Variants in FOXN4 observed in about 807,000 individuals in gnomAD.
The protein encoded by FOXN4 is forkhead box N4, also known as forkhead box protein N4.
In FOXN4, 12 loss-of-function variants were observed where a neutral mutation model predicts 45.0. The observed-to-expected ratio is 0.27, with a 90% confidence interval of 0.17 to 0.43. The LOEUF is 0.43. Among genes scored for constraint, FOXN4 ranks in the 20% least tolerant of loss-of-function variants. The probability of loss-of-function intolerance (pLI) is 1.00; values close to 1 mark genes in which losing one functional copy is unlikely to be tolerated. For synonymous variants in FOXN4, 297 were observed against 295.0 expected (o/e 1.01, Z -0.07); for missense variants, 560 against 694.9 (o/e 0.81, Z 2.18).
chr12:109,302,303 C>T (rs1307998199), intron 2 of FOXN4, among the ~76,000 whole-genome samples: 2 of 152,186 alleles, frequency 1.3e-5, no homozygotes, highest in South Asian at 2.1e-4. Context: ...TGGCAGGTGC[C>T]CACACAGGGT....
chr12:109,299,667 A>G (rs1186118115), intron 2 of FOXN4, among the ~76,000 whole-genome samples: 3 of 152,290 alleles, frequency 2.0e-5, no homozygotes, highest in Admixed American at 6.5e-5. Context: ...TTTTGAAGGG[A>G]CGGAACACAT....
rs1405301596 is a variant in FOXN4, at chr12:109,279,682, C to G, written c.1543G>C (p.Ala515Pro). The change falls in exon 10 of 10, where the codon GCC (alanine) becomes CCC (proline). Residue 515 changes from alanine (A) to proline (P), a missense_variant. Physicochemically the swap from Ala to Pro is conservative, Grantham distance 27 (BLOSUM62 -1). Transcript: ENST00000299162. Reference sequence around the variant, plus strand: ...GTGAGGCTGACAGCTCAAAGCAGGGCTATAGGCTTGTTCCCCTGTGCACCC... The same window carrying G: ...GTGAGGCTGACAGCTCAAAGCAGGGGTATAGGCTTGTTCCCCTGTGCACCC... Reference protein sequence around the residue: ...YLGAQGNKPIALL With the variant: ...YLGAQGNKPIPLL 2.5e-6 allele frequency: 4 copies of G among 1,573,756 alleles called. No individual in the cohort carries two copies. Among genetic ancestry groups the G allele is most frequent in the Non-Finnish European group, 3.4e-6 (4 of 1,159,900 alleles).
At position 109,287,462 on chromosome 12, in the gene FOXN4, G is replaced by T. The variant is rs1345710292; in HGVS notation, c.531C>A (p.His177Gln). The change falls in exon 6 of 10, where the codon CAC becomes CAA. Residue 177 changes from histidine to glutamine, a missense_variant. Physicochemically the swap from His to Gln is conservative, Grantham distance 24 (BLOSUM62 0). Transcript: ENST00000299162. The surrounding 1 kb of genome is among the most constrained non-coding windows in gnomAD (Gnocchi z 4.1). ...GTTCTTGAGATGAATGCACAGCCACGTGGGGCTGGGGGTAGGGGGGCCGCA... is the reference window on the plus strand; with the variant it reads ...GTTCTTGAGATGAATGCACAGCCACTTGGGGCTGGGGGTAGGGGGGCCGCA... ...FGVRPPYPQP[H>Q]VAVHSSQELH... 1.3e-6 allele frequency: 2 copies of T among 1,551,170 alleles called. No individual in the cohort carries two copies. The highest frequency in any genetic ancestry group is 1.7e-6 in the Non-Finnish European group (2 of 1,146,656).
intron 8 of FOXN4, among the ~76,000 whole-genome samples, chr12:109,283,747 A>AT (rs1428615579): frequency 6.6e-6 from 1 of 152,202 alleles, no homozygotes; most frequent in African/African-American, 2.4e-5. Context: ...AAGTGCTGGG[A>AT]TTATGGGCAT....
chr12:109,305,674 G>A (rs1457540229), intron 2 of FOXN4, among the ~76,000 whole-genome samples: 1 of 152,174 alleles, frequency 6.6e-6, no homozygotes. Context: ...AGGTTGCAGT[G>A]AACTGAGTTC....
chr12:109,290,538 C>T lies in FOXN4; in HGVS notation c.87-252G>A, dbSNP rs1291106625. On this transcript the variant is annotated intron_variant, in intron 2 of 9. Transcript: ENST00000299162. The surrounding 1 kb of genome is among the most constrained non-coding windows in gnomAD (Gnocchi z 5.1). ...TCCTACTTAGCACCTACCACATAAA[C>T]AATGCACGCGAATATTTGTTGAGGA... Among the ~76,000 whole-genome samples the T allele has an allele frequency of 6.6e-6, 1 of 152,204 alleles. No individual in the cohort carries two copies. Among genetic ancestry groups the T allele is most frequent in the Non-Finnish European group, 1.5e-5 (1 of 68,040 alleles).
At chr12:109,306,360 C>A (rs1328945384) in intron 2 of FOXN4, among the ~76,000 whole-genome samples, 2 of 152,190 alleles carry the variant, frequency 1.3e-5, no homozygotes, top group Non-Finnish European at 2.9e-5. Context: ...GGGCTTTGAA[C>A]CTGCACGTGT....
Position 109,287,556 on chromosome 12 carries a change from C to A in FOXN4, c.469-32G>T, listed in dbSNP as rs1236629040. 3.3e-6 allele frequency: 5 copies of A among 1,494,528 alleles called. No individual in the cohort carries two copies. Among genetic ancestry groups the A allele is most frequent in the Non-Finnish European group, 8.9e-7 (1 of 1,123,446 alleles). The allele number at this position is 1,494,528 out of a possible 1,614,324, so 92.6% of individuals were successfully genotyped here. The stretch of plus-strand genomic sequence containing the variant: ...ACAGGCAGGGGCAGGGAGAAAGTGG[C>A]AGAGAAAGAGAGAAGGTGAGAAATA... On this transcript the variant is annotated intron_variant, in intron 5 of 9. Transcript: ENST00000299162. This position sits in a 1 kb window ranked among gnomAD's most constrained non-coding sequence, Gnocchi z 4.1.
intron 2 of FOXN4, among the ~76,000 whole-genome samples, chr12:109,296,154 G>A (rs1050038362): frequency 1.3e-5 from 2 of 152,200 alleles, no homozygotes; most frequent in African/African-American, 4.8e-5. Flanking sequence ...CTGCTGGGTC[G>A]CCCAGAGGCA....
At position 109,290,434 on chromosome 12, in the gene FOXN4, C is replaced by T. The variant is rs116484855; in HGVS notation, c.87-148G>A. 3.0e-3 allele frequency: 2,895 copies of T among 952,474 alleles called. 73 individuals carry two copies. The African/African-American group carries it at 0.045, about 15-fold the overall frequency. The allele number at this position is 952,474 out of a possible 1,614,324, so 59.0% of individuals were successfully genotyped here. On this transcript the variant is annotated intron_variant, in intron 2 of 9. Transcript: ENST00000299162. This position sits in a 1 kb window ranked among gnomAD's most constrained non-coding sequence, Gnocchi z 5.1. ...CAACCTGCCCGTCCCCAGGACTGGA[C>T]ACGGGAACCTGGTCCCAGATCCCTT...
chr12:109,287,380 C>A lies in FOXN4; in HGVS notation c.596+17G>T. 3 of 1,551,286 alleles carry A rather than the reference C, an allele frequency of 1.9e-6. No individual in the cohort carries two copies. The highest frequency in any genetic ancestry group is 2.6e-6 in the Non-Finnish European group (3 of 1,146,792). On this transcript the variant is annotated intron_variant, in intron 6 of 9. Transcript: ENST00000299162. This position sits in a 1 kb window ranked among gnomAD's most constrained non-coding sequence, Gnocchi z 4.1. ...GGAGCCGCCCTTGGCCCTGACCCGG[C>A]CCACCCTGGACCTCACCTGTACGAG... is the stretch of plus-strand genomic sequence containing the variant.
intron 9 of FOXN4, among the ~76,000 whole-genome samples, chr12:109,280,846 T>C (rs1302638840): frequency 6.6e-6 from 1 of 152,226 alleles, no homozygotes; most frequent in African/African-American, 2.4e-5. Context: ...TTATTGGAGA[T>C]GATCATGCGG....
intron 2 of FOXN4, among the ~76,000 whole-genome samples, chr12:109,305,230 C>T (rs1388697973): frequency 6.6e-6 from 1 of 152,142 alleles, no homozygotes; most frequent in Non-Finnish European, 1.5e-5. Flanking sequence ...GCCTTGGTTT[C>T]CTCATTCACC....
intron 2 of FOXN4, among the ~76,000 whole-genome samples, chr12:109,293,895 C>T (rs2047792701): frequency 6.6e-6 from 1 of 152,208 alleles, no homozygotes; most frequent in South Asian, 2.1e-4. Flanking sequence ...CTCCTCAGGT[C>T]CTTGCCACAG....
intron 2 of FOXN4, among the ~76,000 whole-genome samples, chr12:109,292,011 G>C (rs764917378): frequency 6.6e-6 from 1 of 152,176 alleles, no homozygotes; most frequent in Non-Finnish European, 1.5e-5. Flanking sequence ...CCACGGCCCC[G>C]GGCCTGGGCG....
In FOXN4 at chr12:109,288,132, G is replaced by A; in HGVS notation, c.281C>T (p.Pro94Leu). The A allele has an allele frequency of 6.5e-7, 1 of 1,545,820 alleles. No homozygotes were observed. The highest frequency in any genetic ancestry group is 8.7e-7 in the Non-Finnish European group (1 of 1,145,588). ...CATGCCTGCTGGGCCATGGAGAAGG[G>A]GACTTGGAGTGGCTCCCACATGCAG... ...ADLHVGATPS[P>L]LLHGPAGMAP... is the part of the protein sequence containing the mutation. The change falls in exon 4 of 10, where the codon CCC (proline) becomes CTC (leucine). Residue 94 changes from proline to leucine, a missense_variant. Physicochemically the swap from Pro to Leu is moderately conservative, Grantham distance 98. Transcript: ENST00000299162. The surrounding 1 kb of genome is among the most constrained non-coding windows in gnomAD (Gnocchi z 4.3).
chr12:109,289,440 GC>G (rs1312142869), intron 3 of FOXN4, among the ~76,000 whole-genome samples: 1 of 152,144 alleles, frequency 6.6e-6, no homozygotes, highest in African/African-American at 2.4e-5. Context: ...TACATGCTTT[GC>G]CCAAGAACGA....
chr12:109,305,362 C>A (rs1224875930), intron 2 of FOXN4, among the ~76,000 whole-genome samples: 1 of 149,546 alleles, frequency 6.7e-6, no homozygotes, highest in Non-Finnish European at 1.5e-5. Context: ...AAGAAACCAC[C>A]AGCTGCTATT....
chr12:109,301,256 G>A (rs528979823), intron 2 of FOXN4, among the ~76,000 whole-genome samples: 1 of 152,302 alleles, frequency 6.6e-6, no homozygotes, highest in South Asian at 2.1e-4. Context: ...GCCGAACAGA[G>A]GTGAGAACAG....
Sources: allele counts gnomAD v4.1 joint callset (sites outside exome capture counted in the v4.1 genomes callset), GRCh38; gene constraint gnomAD v4.1.1; non-coding constraint Gnocchi (gnomAD v3.1); transcripts MANE v1.5; gene names NCBI Gene and HGNC (gene_info 2026-07-23, HGNC 2026-07-21).